Variants in FLT1 observed in about 807,000 individuals in gnomAD.
FLT1 encodes the protein vascular endothelial growth factor receptor 1.
In FLT1, 49 loss-of-function variants were observed where a neutral mutation model predicts 156.3. The ratio of observed to expected loss-of-function variants is 0.31; its 90% CI spans 0.25 to 0.40. FLT1 has a LOEUF of 0.40. Among genes scored for constraint, FLT1 ranks in the 10% least tolerant of loss-of-function variants. The pLI is 1.00. For missense variants in FLT1, 1,322 were observed against 1,637.2 expected (o/e 0.81, Z 3.32); for synonymous variants, 594 against 583.8 (o/e 1.02, Z -0.25).
intron 14 of FLT1, 129 bp downstream of exon 14, chr13:28,384,756 A>AT (rs34113415): frequency 0.013 from 11,790 of 883,422 alleles, 249 homozygotes; most frequent in African/African-American, 0.081. Flanking sequence ...CATGAACCAG[A>AT]TCCCAGTGTT....
At chr13:28,413,216 C>T (rs2137511854) in intron 10 of FLT1, among the ~76,000 whole-genome samples, 1 of 152,214 alleles carries the variant, frequency 6.6e-6, no homozygotes, top group East Asian at 1.9e-4. Context: ...AAGAGCTTTT[C>T]CGTGAGCGTC....
At chr13:28,475,827 A>G (rs1350483920) in intron 1 of FLT1, among the ~76,000 whole-genome samples, 2 of 152,232 alleles carry the variant, frequency 1.3e-5, no homozygotes, top group African/African-American at 2.4e-5. Context: ...AATGGAGACT[A>G]CACTACCAGC....
At chr13:28,378,050 CTTT>C (rs869039457) in intron 14 of FLT1, among the ~76,000 whole-genome samples, 12 of 136,106 alleles carry the variant, frequency 8.8e-5, no homozygotes, top group Admixed American at 1.5e-4. Context: ...GAGACTTAAT[CTTT>C]TTTTTTTTTT....
At chr13:28,406,848 A>G (rs1875833449) in intron 10 of FLT1, among the ~76,000 whole-genome samples, 3 of 152,144 alleles carry the variant, frequency 2.0e-5, no homozygotes, top group Non-Finnish European at 1.5e-5. Context: ...AGCAGCCAAG[A>G]GCAGGAATGA....
At position 28,467,104 on chromosome 13, in the gene FLT1, A is replaced by G; in HGVS notation, c.187T>C (p.Leu63=). 1 of 1,613,972 alleles carries G rather than the reference A, an allele frequency of 6.2e-7. No individual in the cohort carries two copies. The highest frequency in any genetic ancestry group is 1.3e-5 in the African/African-American group (1 of 75,034). ...CTTTCCTTACTCACCATTTCAGGCA[A>G]AGACCATTTATGGGCTGCTTCCCCC... ...CRGEAAHKWS[L]PEMVSKESER... The change falls in exon 3 of 30, where the codon TTG becomes CTG. Residue 63 remains leucine, a synonymous_variant. Transcript: ENST00000282397.
chr13:28,358,274 G>C (rs1158194319), intron 14 of FLT1, among the ~76,000 whole-genome samples: 1 of 152,166 alleles, frequency 6.6e-6, no homozygotes, highest in African/African-American at 2.4e-5. Flanking sequence ...ATAAGGCCTG[G>C]TGAGTCAATA....
intron 11 of FLT1, among the ~76,000 whole-genome samples, chr13:28,403,752 A>G (rs1330900546): frequency 6.6e-6 from 1 of 152,214 alleles, no homozygotes; most frequent in East Asian, 1.9e-4. Context: ...CCTTATTAAA[A>G]ATATCTGAAG....
chr13:28,356,595 C>T (rs529200833), intron 15 of FLT1, among the ~76,000 whole-genome samples: 44 of 152,248 alleles, frequency 2.9e-4, no homozygotes, highest in Middle Eastern at 3.4e-3. Context: ...AGATGATGTT[C>T]TGTTTTAAAG....
rs370121817 is a variant in FLT1 at position 28,396,978 on chromosome 13, T to C, written c.1642A>G (p.Ile548Val). 1.2e-6 allele frequency: 2 copies of C among 1,604,838 alleles called. No individual in the cohort carries two copies. The highest frequency in any genetic ancestry group is 1.3e-5 in the African/African-American group (1 of 74,790). ...SNKVGTVGRN[I>V]SFYITDVPNG... Reference sequence around the variant, plus strand: ...GGCTTACCTGTGATATAAAAGCTTATGTTTCTTCCCACAGTCCCAACTTTA... The same window carrying C: ...GGCTTACCTGTGATATAAAAGCTTACGTTTCTTCCCACAGTCCCAACTTTA... Residue 548 changes from isoleucine to valine, a missense_variant, in exon 12 of 30, where the codon ATA becomes GTA. Physicochemically the swap from Ile to Val is conservative, Grantham distance 29. Transcript: ENST00000282397.
At chr13:28,409,339 ATCTT>A (rs975310026) in intron 10 of FLT1, among the ~76,000 whole-genome samples, 5 of 150,400 alleles carry the variant, frequency 3.3e-5, no homozygotes, top group Admixed American at 6.6e-5. Flanking sequence ...CAAACCTACG[ATCTT>A]TCTTTCTTTC....
chr13:28,356,157 G>C (rs866321694), intron 15 of FLT1, among the ~76,000 whole-genome samples: 5 of 152,204 alleles, frequency 3.3e-5, no homozygotes, highest in Admixed American at 6.5e-5. Context: ...GACTGTGTGA[G>C]TTGGGTGAGT....
chr13:28,402,161 C>A (rs1875479975), intron 11 of FLT1, among the ~76,000 whole-genome samples: 1 of 152,048 alleles, frequency 6.6e-6, no homozygotes, highest in African/African-American at 2.4e-5. Context: ...TACAACAAAA[C>A]AAAGAAAAAA....
chr13:28,334,625 A>G (rs1872048865), intron 17 of FLT1, among the ~76,000 whole-genome samples: 1 of 152,228 alleles, frequency 6.6e-6, no homozygotes, highest in Non-Finnish European at 1.5e-5. Flanking sequence ...TCACTAAGTC[A>G]TTTATCCGAC....
intron 10 of FLT1, among the ~76,000 whole-genome samples, chr13:28,423,707 A>T (rs1232340173): frequency 1.3e-5 from 2 of 152,180 alleles, no homozygotes; most frequent in Non-Finnish European, 2.9e-5. Context: ...TTTACTTTAT[A>T]TGAGCAGAGG....
intron 14 of FLT1, among the ~76,000 whole-genome samples, chr13:28,371,451 C>T (rs1185229934): frequency 2.6e-5 from 4 of 152,244 alleles, no homozygotes; most frequent in Admixed American, 1.3e-4. Flanking sequence ...TTGTCCCGCA[C>T]GCATCTCCAC....
chr13:28,379,962 G>C (rs552079425), intron 14 of FLT1, among the ~76,000 whole-genome samples: 1 of 152,170 alleles, frequency 6.6e-6, no homozygotes, highest in South Asian at 2.1e-4. Context: ...TTTGGAATGG[G>C]AGCAAGTCAT....
rs1207729341 is a variant in FLT1, at chr13:28,414,354, T to C, written c.1437-8460A>G. 1.4e-4 allele frequency among the ~76,000 whole-genome samples: 21 copies of C among 152,218 alleles called. 1 individual carries two copies. The highest frequency in any genetic ancestry group is 1.4e-3 in the Admixed American group (21 of 15,282). ...GCTTAGTTATGTATTGTCCTTTTTG[T>C]GAACTACCTCAAATTCTTTGGGAAT... On this transcript the variant is annotated intron_variant, in intron 10 of 29. Coordinates refer to ENST00000282397, the MANE Select transcript of FLT1 (RefSeq NM_002019.4).
intron 10 of FLT1, among the ~76,000 whole-genome samples, chr13:28,411,351 G>A (rs999800900): frequency 6.6e-6 from 1 of 151,594 alleles, no homozygotes; most frequent in African/African-American, 2.4e-5. Context: ...TTGGGAGTTC[G>A]AGACCAGCCT....
chr13:28,349,453 C>CAA (rs894725294), intron 15 of FLT1, among the ~76,000 whole-genome samples: 1 of 150,034 alleles, frequency 6.7e-6, no homozygotes, highest in African/African-American at 2.4e-5. Context: ...CACACACACA[C>CAA]ACACACATGC....
Sources: allele counts gnomAD v4.1 joint callset (sites outside exome capture counted in the v4.1 genomes callset), GRCh38; gene constraint gnomAD v4.1.1; transcripts MANE v1.5; gene names NCBI Gene and HGNC (gene_info 2026-07-23, HGNC 2026-07-21).